TMEM178B: variants seen among roughly 807,000 people sequenced by gnomAD.
The protein encoded by TMEM178B is transmembrane protein 178B.
In TMEM178B, 5 loss-of-function variants were observed where a neutral mutation model predicts 31.0. The observed-to-expected ratio is 0.16, with a 90% CI of 0.08 to 0.34. The LOEUF (loss-of-function observed/expected upper bound fraction) is 0.34, where lower values mean the gene tolerates loss of function less well. TMEM178B is among the 10% of genes least tolerant of loss of function. The pLI, the probability that TMEM178B is intolerant of heterozygous loss-of-function variation, is 1.00. For missense variants in TMEM178B, 275 were observed against 400.3 expected (o/e 0.69, Z 2.67); for synonymous variants, 164 against 164.0 (o/e 1.00, Z 0.00).
chr7:141,262,098 GAGGTGCCAAAACT>G (rs1798022837), intron 2 of TMEM178B, among the ~76,000 whole-genome samples: 2 of 152,242 alleles, frequency 1.3e-5, no homozygotes, highest in South Asian at 2.1e-4. Context: ...AGAGAAGATA[GAGGTGCCAAAACT>G]AGAACCAGTT....
chr7:141,306,177 C>T (rs1396791742), intron 2 of TMEM178B, among the ~76,000 whole-genome samples: 1 of 152,196 alleles, frequency 6.6e-6, no homozygotes, highest in African/African-American at 2.4e-5. Flanking sequence ...TAGTCTCTTG[C>T]AGCTAAAAGG....
At chr7:141,435,668 G>A (rs1368685839) in intron 2 of TMEM178B, among the ~76,000 whole-genome samples, 1 of 152,234 alleles carries the variant, frequency 6.6e-6, no homozygotes, top group Non-Finnish European at 1.5e-5. Flanking sequence ...TGCCCACGCA[G>A]GCCGCTGGCC....
chr7:141,143,065 T>C (rs1411932969), intron 1 of TMEM178B, among the ~76,000 whole-genome samples: 1 of 152,230 alleles, frequency 6.6e-6, no homozygotes. Context: ...TATTTTAAAA[T>C]GGGATTATTT....
Position 141,291,902 on chromosome 7 carries a change from G to A in TMEM178B, c.496+79198G>A, listed in dbSNP as rs150356778. On this transcript the variant is annotated intron_variant, in intron 2 of 3. Coordinates refer to ENST00000565468, the MANE Select transcript of TMEM178B (RefSeq NM_001195278.2). ...ATGTGGTCCCTGGGGGTCTGCCCTT[G>A]GTTTTGTGTATGTCATAGAGATCAT... Among the ~76,000 whole-genome samples, 391 of 149,010 alleles carry A rather than the reference G, an allele frequency of 2.6e-3. 4 individuals carry two copies. Among genetic ancestry groups the A allele is most frequent in the African/African-American group, 9.2e-3 (372 of 40,482 alleles).
chr7:141,470,427 T>A (rs746246597), intron 3 of TMEM178B, 109 bp from the exon 4 acceptor site: 7 of 1,205,400 alleles, frequency 5.8e-6, no homozygotes, highest in Non-Finnish European at 7.8e-6. Flanking sequence ...TTTTTCCTAC[T>A]CAAGAAAATT....
chr7:141,361,245 C>T (rs1484161749), intron 2 of TMEM178B, among the ~76,000 whole-genome samples: 1 of 152,108 alleles, frequency 6.6e-6, no homozygotes, highest in Non-Finnish European at 1.5e-5. Context: ...AAGCAAGTAT[C>T]ACAGGGCCAT....
At position 141,145,984 on chromosome 7, in the gene TMEM178B, G is replaced by T. The variant is rs1438748853; in HGVS notation, c.383-66607G>T. Among the ~76,000 whole-genome samples, 51 of 152,202 alleles carry T rather than the reference G, an allele frequency of 3.4e-4. 1 individual carries two copies. Among genetic ancestry groups the T allele is most frequent in the Admixed American group, 3.3e-3 (51 of 15,280 alleles). On this transcript the variant is annotated intron_variant, in intron 1 of 3. Transcript: ENST00000565468. ...AGCTGAAGGGTAACTATTTGTTGGA[G>T]TAACAAGGGGAAGGGATTTCTTATT...
chr7:141,241,780 A>G (rs1254085709), intron 2 of TMEM178B, among the ~76,000 whole-genome samples: 2 of 152,140 alleles, frequency 1.3e-5, no homozygotes. Context: ...ATTTTCCAGT[A>G]GCCACATTAG....
Position 141,110,717 on chromosome 7 carries a change from G to A in TMEM178B, c.382+36025G>A, listed in dbSNP as rs116072965. On this transcript the variant is annotated intron_variant, in intron 1 of 3. Coordinates refer to ENST00000565468, the MANE Select transcript of TMEM178B (RefSeq NM_001195278.2). Reference sequence around the variant, plus strand: ...CCACAGATACTGTTATAGACTGAATGTATGTGTCCCCCTAAAATTCATATG... The same window carrying A: ...CCACAGATACTGTTATAGACTGAATATATGTGTCCCCCTAAAATTCATATG... 8.5e-3 allele frequency among the ~76,000 whole-genome samples: 1,293 copies of A among 152,296 alleles called. 22 individuals carry two copies. Among genetic ancestry groups the A allele is most frequent in the African/African-American group, 0.03 (1,232 of 41,568 alleles).
At chr7:141,496,747 T>C in the TMEM178B span, among the ~76,000 whole-genome samples, 2 of 148,450 alleles carry the variant, frequency 1.3e-5, no homozygotes, top group Non-Finnish European at 2.9e-5. Context: ...AAAATCACTA[T>C]GTTTCTCCAA....
chr7:141,295,861 A>G (rs1352052252), intron 2 of TMEM178B, among the ~76,000 whole-genome samples: 1 of 152,108 alleles, frequency 6.6e-6, no homozygotes, highest in Non-Finnish European at 1.5e-5. Flanking sequence ...ATTTCCAGAA[A>G]TCTGAAGACG....
intron 2 of TMEM178B, among the ~76,000 whole-genome samples, chr7:141,284,512 T>G (rs1184427319): frequency 6.6e-6 from 1 of 152,230 alleles, no homozygotes; most frequent in East Asian, 1.9e-4. Flanking sequence ...TCTTGCAGAC[T>G]CCTAATTTAT....
intron 2 of TMEM178B, among the ~76,000 whole-genome samples, chr7:141,286,477 T>C (rs1798450198): frequency 6.6e-6 from 1 of 152,202 alleles, no homozygotes; most frequent in South Asian, 2.1e-4. Context: ...GTATGGTAAC[T>C]TAAAGAGCCA....
At chr7:141,194,356 G>A (rs1275594607) in intron 1 of TMEM178B, among the ~76,000 whole-genome samples, 1 of 152,184 alleles carries the variant, frequency 6.6e-6, no homozygotes, top group African/African-American at 2.4e-5. Flanking sequence ...TGGGATACAA[G>A]TATTGGCTAA....
intron 1 of TMEM178B, among the ~76,000 whole-genome samples, chr7:141,153,952 A>C (rs1231956567): frequency 1.3e-5 from 2 of 152,148 alleles, no homozygotes; most frequent in African/African-American, 2.4e-5. Context: ...ATGCAGGGTG[A>C]TATAGACACC....
At chr7:141,254,767 CA>C (rs1304630361) in intron 2 of TMEM178B, among the ~76,000 whole-genome samples, 1 of 152,110 alleles carries the variant, frequency 6.6e-6, no homozygotes, top group African/African-American at 2.4e-5. Context: ...AAGTAGAATT[CA>C]AAAGGGGTGA....
intron 1 of TMEM178B, among the ~76,000 whole-genome samples, chr7:141,081,207 G>A (rs904743875): frequency 2.0e-5 from 3 of 152,166 alleles, no homozygotes; most frequent in African/African-American, 7.2e-5. Context: ...GTGGAAGACA[G>A]CGAGATTGAT....
At chr7:141,377,963 T>C (rs560333563) in intron 2 of TMEM178B, among the ~76,000 whole-genome samples, 2 of 152,340 alleles carry the variant, frequency 1.3e-5, no homozygotes, top group South Asian at 2.1e-4. Context: ...TTAATTGAAC[T>C]CTCAACTTTA....
At chr7:141,486,166 T>A in the TMEM178B span, among the ~76,000 whole-genome samples, 228 of 152,238 alleles carry the variant, frequency 1.5e-3, no homozygotes, top group African/African-American at 5.3e-3. Flanking sequence ...ACAGACACCA[T>A]GTGTTCTCAC....
Sources: allele counts gnomAD v4.1 joint callset (sites outside exome capture counted in the v4.1 genomes callset), GRCh38; gene constraint gnomAD v4.1.1; transcripts MANE v1.5; gene names NCBI Gene and HGNC (gene_info 2026-07-23, HGNC 2026-07-21).